CCDC63: variants seen among roughly 807,000 people sequenced by gnomAD.
The protein encoded by CCDC63 is coiled-coil domain containing 63.
Under a neutral mutation model 63.6 loss-of-function variants are expected in CCDC63, and 54 were observed. The observed-to-expected ratio is 0.85, with a 90% CI of 0.68 to 1.07. The LOEUF is 1.07. CCDC63 is among the 50% of genes least tolerant of loss of function. The probability of loss-of-function intolerance (pLI) is 0.00; values close to 1 mark genes in which losing one functional copy is unlikely to be tolerated. For synonymous variants in CCDC63, 253 were observed against 266.1 expected (o/e 0.95, Z 0.48); for missense variants, 637 against 689.6 (o/e 0.92, Z 0.86).
chr12:110,897,074 A>C (rs2071423752), intron 9 of CCDC63, among the ~76,000 whole-genome samples: 1 of 152,216 alleles, frequency 6.6e-6, no homozygotes, highest in Non-Finnish European at 1.5e-5. Flanking sequence ...ATTGGATGGT[A>C]GCCAACATTT....
intron 5 of CCDC63, among the ~76,000 whole-genome samples, chr12:110,878,511 C>T (rs912900600): frequency 2.6e-5 from 4 of 152,138 alleles, no homozygotes; most frequent in African/African-American, 9.7e-5. Context: ...GACGGGGTTT[C>T]ACCATGTTGG....
chr12:110,853,478 A>T lies in CCDC63; in HGVS notation c.83A>T (p.Glu28Val). 1 of 1,614,188 alleles carries T rather than the reference A, an allele frequency of 6.2e-7. No individual in the cohort carries two copies. The highest frequency in any genetic ancestry group is 8.5e-7 in the Non-Finnish European group (1 of 1,180,026). The change falls in exon 3 of 12, where the codon GAG (glutamate) becomes GTG (valine). Residue 28 changes from glutamate to valine, a missense_variant. Glu to Val is a moderately radical substitution (Grantham distance 121). Coordinates refer to ENST00000308208, the MANE Select transcript of CCDC63 (RefSeq NM_152591.3). ...PSEKAKEQQA[E>V]AELRKLRQQF... is the part of the protein sequence containing the mutation. ...GAGAAGGCCAAAGAGCAGCAGGCGG[A>T]GGCAGAGCTCCGGAAGCTAAGGCAG... is the stretch of plus-strand genomic sequence containing the variant.
intron 4 of CCDC63, among the ~76,000 whole-genome samples, chr12:110,867,475 C>T (rs1282761683): frequency 5.2e-5 from 5 of 96,162 alleles, no homozygotes; most frequent in South Asian, 3.7e-4. Context: ...TAGGGGCGGC[C>T]GGGCAGAGGC....
chr12:110,858,157 TAA>T (rs1204396190), intron 3 of CCDC63, among the ~76,000 whole-genome samples: 124 of 140,940 alleles, frequency 8.8e-4, no homozygotes, highest in African/African-American at 3.3e-3. Context: ...TAAAATAAAA[TAA>T]AAAATAAAAT....
chr12:110,881,289 G>C lies in CCDC63; in HGVS notation c.846G>C (p.Arg282Ser). Reference protein sequence around the residue: ...DRNEFEEQAKREEALKAKKHV... With the variant: ...DRNEFEEQAKSEEALKAKKHV... The stretch of plus-strand genomic sequence containing the variant: ...ATGAATTCGAGGAGCAGGCCAAAAG[G>C]GAGGAAGGTACACCCTCCAGGAGCA... Residue 282 changes from arginine to serine, a missense_variant, in exon 7 of 12, where the codon AGG becomes AGC. Transcript: ENST00000308208. The C allele has an allele frequency of 6.2e-7, 1 of 1,613,052 alleles. No individual in the cohort carries two copies. The highest frequency in any genetic ancestry group is 8.5e-7 in the Non-Finnish European group (1 of 1,179,574).
chr12:110,857,769 G>T (rs2070793238), intron 3 of CCDC63, among the ~76,000 whole-genome samples: 1 of 152,134 alleles, frequency 6.6e-6, no homozygotes, highest in Non-Finnish European at 1.5e-5. Context: ...GAAACTGGTG[G>T]AGCTTAGAGG....
At chr12:110,847,520 A>G (rs1031394797) in intron 1 of CCDC63, among the ~76,000 whole-genome samples, 1 of 151,830 alleles carries the variant, frequency 6.6e-6, no homozygotes, top group African/African-American at 2.4e-5. Flanking sequence ...GAACCACTGC[A>G]CGCTAGCCTG....
intron 1 of CCDC63, among the ~76,000 whole-genome samples, chr12:110,850,808 C>T (rs909646868): frequency 6.6e-6 from 1 of 152,134 alleles, no homozygotes; most frequent in African/African-American, 2.4e-5. Flanking sequence ...TCTTTGCTAG[C>T]CACTTTCCAC....
chr12:110,845,458 C>T (rs927890811), upstream of CCDC63: 1 of 152,202 alleles, frequency 6.6e-6, no homozygotes, highest in East Asian at 1.9e-4. Context: ...TTCTCTAAGT[C>T]TGTTTCCCCA....
chr12:110,904,525 C>G (rs539414728), intron 10 of CCDC63, 63 bp from the exon 11 acceptor site: 2 of 1,433,312 alleles, frequency 1.4e-6, no homozygotes, highest in African/African-American at 2.8e-5. Flanking sequence ...GGTGGCACCA[C>G]CCACAGTGCC....
At chr12:110,853,692 T>A in intron 3 of CCDC63, 118 bp downstream of exon 3, 3 of 1,071,538 alleles carry the variant, frequency 2.8e-6, no homozygotes, top group Non-Finnish European at 2.8e-6. Flanking sequence ...CTGAGCCCCA[T>A]TGGAGGATCC....
chr12:110,867,509 G>A (rs1437450540), intron 4 of CCDC63, among the ~76,000 whole-genome samples: 8 of 113,716 alleles, frequency 7.0e-5, no homozygotes, highest in Non-Finnish European at 1.1e-4. Flanking sequence ...GGGATGGGGC[G>A]GCTGGCCGGG....
At chr12:110,868,177 G>A (rs1221510040) in intron 4 of CCDC63, among the ~76,000 whole-genome samples, 5 of 146,584 alleles carry the variant, frequency 3.4e-5, no homozygotes, top group African/African-American at 5.2e-5. Flanking sequence ...ATGTGATGGC[G>A]GCTGGGAAGA....
intron 9 of CCDC63, among the ~76,000 whole-genome samples, chr12:110,898,732 A>G (rs1057373820): frequency 6.6e-6 from 1 of 152,134 alleles, no homozygotes; most frequent in African/African-American, 2.4e-5. Flanking sequence ...AATGTACACT[A>G]GTATTTTTTC....
At chr12:110,903,958 C>CCT (rs1714245039) in intron 10 of CCDC63, among the ~76,000 whole-genome samples, 2 of 152,190 alleles carry the variant, frequency 1.3e-5, no homozygotes, top group Admixed American at 6.5e-5. Context: ...AGGAGCCTCT[C>CCT]TAGACATATT....
At chr12:110,858,520 G>A (rs1360746540) in intron 3 of CCDC63, 66 bp from the exon 4 acceptor site, 7 of 1,455,368 alleles carry the variant, frequency 4.8e-6, no homozygotes, top group Non-Finnish European at 6.6e-6. Context: ...GGGCTGATGT[G>A]CCTGGAGTGC....
At chr12:110,884,358 G>A in intron 8 of CCDC63, 108 bp downstream of exon 8, 1 of 781,882 alleles carries the variant, frequency 1.3e-6, no homozygotes, top group Non-Finnish European at 2.2e-6. Context: ...AAAGCAGTTT[G>A]GCCAACACCG....
intron 8 of CCDC63, among the ~76,000 whole-genome samples, chr12:110,887,481 T>G (rs750005910): frequency 4.0e-5 from 6 of 151,882 alleles, no homozygotes; most frequent in Non-Finnish European, 5.9e-5. Context: ...TAATCCCATG[T>G]TATGAGGAAA....
rs540170970 is a variant in CCDC63, at chr12:110,859,507, T to C, written c.369+732T>C. On this transcript the variant is annotated intron_variant, in intron 4 of 11. Transcript: ENST00000308208. ...TTTTAGTAGAGACAGGGTTTCACCA[T>C]GTTGGCCAGGCTGGTCTCAAACTCC... is the stretch of plus-strand genomic sequence containing the variant. Among the ~76,000 whole-genome samples, 5 of 152,158 alleles carry C rather than the reference T, an allele frequency of 3.3e-5. No homozygotes were observed. In the South Asian group the frequency reaches 1.0e-3, roughly 32 times the overall value.
Sources: gnomAD v4.1 joint callset for allele counts (sites outside exome capture counted in the v4.1 genomes callset) on GRCh38, gnomAD v4.1.1 for gene constraint, MANE v1.5 for transcripts, NCBI Gene and HGNC (gene_info 2026-07-23, HGNC 2026-07-21) for gene names.